KCNN2: variants seen among roughly 807,000 people sequenced by gnomAD.
KCNN2 encodes the protein potassium calcium-activated channel subfamily N member 2, also known as small conductance calcium-activated potassium channel protein 2.
A neutral mutation model predicts 55.5 loss-of-function variants in KCNN2; 24 were observed. That is an observed-to-expected ratio of 0.43 (90% CI 0.31 to 0.61). The LOEUF (loss-of-function observed/expected upper bound fraction) is 0.61. KCNN2 is among the 20% of genes least tolerant of loss of function. The pLI is 0.08. For synonymous variants in KCNN2, 431 were observed against 336.1 expected, an observed-to-expected ratio of 1.28 and a Z score of -3.09; for missense variants, 754 against 853.6, an observed-to-expected ratio of 0.88 and a Z score of 1.45.
intron 2 of KCNN2, among the ~76,000 whole-genome samples, chr5:114,388,557 T>C (rs936184642): frequency 5.3e-5 from 8 of 152,168 alleles, no homozygotes; most frequent in Non-Finnish European, 1.0e-4. Flanking sequence ...ACTATAATTA[T>C]ATATAGTCAA....
At chr5:114,064,317 A>C (rs921700273) in intron 1 of KCNN2, among the ~76,000 whole-genome samples, 5 of 152,172 alleles carry the variant, frequency 3.3e-5, no homozygotes, top group Non-Finnish European at 7.3e-5. Flanking sequence ...TTTGAACAAT[A>C]AAACTCAGTG....
intron 2 of KCNN2, among the ~76,000 whole-genome samples, chr5:114,241,772 A>ATATGTG (rs1754638851): frequency 4.5e-4 from 6 of 13,482 alleles, no homozygotes; most frequent in East Asian, 5.0e-3. Flanking sequence ...ACGTATATAT[A>ATATGTG]TACATATATA....
chr5:114,146,300 TTAAG>T (rs1752396920), intron 1 of KCNN2, among the ~76,000 whole-genome samples: 1 of 152,160 alleles, frequency 6.6e-6, no homozygotes, highest in Non-Finnish European at 1.5e-5. Context: ...CCTCTTTTGT[TTAAG>T]TAATTATAAT....
chr5:114,360,001 GT>G (rs1423909491), upstream of KCNN2, among the ~76,000 whole-genome samples: 3 of 152,296 alleles, frequency 2.0e-5, no homozygotes, highest in East Asian at 5.8e-4. Context: ...TTCTAAAGAA[GT>G]TTTATTGAAT....
chr5:114,129,927 C>T (rs1440225525), intron 1 of KCNN2, among the ~76,000 whole-genome samples: 1 of 152,180 alleles, frequency 6.6e-6, no homozygotes, highest in African/African-American at 2.4e-5. Context: ...CAAAATTCTT[C>T]CATAGGGTTA....
chr5:114,302,311 A>G (rs1214501677), intron 2 of KCNN2, among the ~76,000 whole-genome samples: 1 of 152,216 alleles, frequency 6.6e-6, no homozygotes, highest in African/African-American at 2.4e-5. Context: ...CGTGGCTAGC[A>G]CAATACAATG....
At chr5:114,295,168 G>A (rs1030921318) in intron 2 of KCNN2, among the ~76,000 whole-genome samples, 6 of 152,196 alleles carry the variant, frequency 3.9e-5, no homozygotes, top group Non-Finnish European at 7.3e-5. Context: ...ACTTGAGGAG[G>A]CAGTCTGCCC....
chr5:114,382,479 T>C (rs1561598239), intron 2 of KCNN2, among the ~76,000 whole-genome samples: 1 of 152,228 alleles, frequency 6.6e-6, no homozygotes, highest in Non-Finnish European at 1.5e-5. Flanking sequence ...AGTTACTCTC[T>C]AGTCTCGTGT....
intron 3 of KCNN2, among the ~76,000 whole-genome samples, chr5:114,461,757 C>T (rs1175736004): frequency 2.0e-5 from 3 of 151,848 alleles, no homozygotes; most frequent in Non-Finnish European, 2.9e-5. Context: ...TAGCGAATGC[C>T]ATGGTCCAGT....
intron 1 of KCNN2, among the ~76,000 whole-genome samples, chr5:114,212,987 T>G (rs4705639): frequency 0.98 from 149,703 of 152,046 alleles, 73,756 homozygotes; most frequent in Middle Eastern, 1. Context: ...TTGGAGTACT[T>G]CTGGGAATAA....
chr5:114,160,041 G>A (rs1054916684), intron 1 of KCNN2, among the ~76,000 whole-genome samples: 2 of 152,020 alleles, frequency 1.3e-5, no homozygotes, highest in Non-Finnish European at 2.9e-5. Context: ...CTTGCCTTCT[G>A]CTAGCTTTTG....
At chr5:114,275,859 GT>G (rs1346006574) in intron 2 of KCNN2, among the ~76,000 whole-genome samples, 16 of 151,786 alleles carry the variant, frequency 1.1e-4, no homozygotes, top group Non-Finnish European at 2.4e-4. Flanking sequence ...TTCTTTTCCT[GT>G]CTTCTGCTAG....
chr5:114,490,768 C>T (rs1359306539), intron 6 of KCNN2: 13 of 397,858 alleles, frequency 3.3e-5, no homozygotes, highest in Non-Finnish European at 4.4e-6. Context: ...CCCAGCAGAT[C>T]CTTTATTTGT....
intron 1 of KCNN2, among the ~76,000 whole-genome samples, chr5:114,195,949 A>G (rs139513751): frequency 0.03 from 4,549 of 152,032 alleles, 237 homozygotes; most frequent in African/African-American, 0.1. Context: ...TCTGTTGTCA[A>G]TTTTGAATTA....
chr5:114,402,088 C>A (rs1580793824), intron 2 of KCNN2, among the ~76,000 whole-genome samples: 1 of 152,088 alleles, frequency 6.6e-6, no homozygotes, highest in African/African-American at 2.4e-5. Context: ...ATTGTGGGGA[C>A]ACATCCAGAC....
At chr5:114,289,917 G>T (rs1332972131) in intron 2 of KCNN2, among the ~76,000 whole-genome samples, 1 of 151,946 alleles carries the variant, frequency 6.6e-6, no homozygotes, top group African/African-American at 2.4e-5. Flanking sequence ...TTATTCTTTT[G>T]GGTACTATTG....
At chr5:114,107,201 A>T (rs573972545) in intron 1 of KCNN2, among the ~76,000 whole-genome samples, 1 of 152,104 alleles carries the variant, frequency 6.6e-6, no homozygotes, top group East Asian at 1.9e-4. Context: ...GTAGGTAATC[A>T]TACATGTTTG....
intron 2 of KCNN2, among the ~76,000 whole-genome samples, chr5:114,272,414 T>C (rs369224937): frequency 7.2e-4 from 10 of 13,874 alleles, no homozygotes; most frequent in Non-Finnish European, 1.9e-3. Flanking sequence ...TGTACATATC[T>C]ACACACATAT....
chr5:114,224,865 T>C (rs1471867456), intron 2 of KCNN2, among the ~76,000 whole-genome samples: 1 of 152,172 alleles, frequency 6.6e-6, no homozygotes, highest in African/African-American at 2.4e-5. Context: ...TCTGTTCATG[T>C]CTTTCGCCCA....
Sources: gnomAD v4.1 joint callset for allele counts (sites outside exome capture counted in the v4.1 genomes callset) on GRCh38, gnomAD v4.1.1 for gene constraint, MANE v1.5 for transcripts, NCBI Gene and HGNC (gene_info 2026-07-23, HGNC 2026-07-21) for gene names.